DRC7: variants seen among roughly 807,000 people sequenced by gnomAD.
DRC7 encodes dynein regulatory complex subunit 7.
Under a neutral mutation model 104.4 loss-of-function variants are expected in DRC7, and 80 were observed. That is an observed-to-expected ratio of 0.77 (90% CI 0.64 to 0.92). The LOEUF (loss-of-function observed/expected upper bound fraction) is 0.92, where lower values mean the gene tolerates loss of function less well. Among genes scored for constraint, DRC7 ranks in the 40% least tolerant of loss-of-function variants. DRC7 has a pLI of 0.00. For synonymous variants in DRC7, 405 were observed against 447.3 expected (o/e 0.91, Z 1.19); for missense variants, 1,034 against 1,141.1 (o/e 0.91, Z 1.35).
At position 57,698,964 on chromosome 16, in the gene DRC7, C is replaced by T. The variant is rs1478759572; in HGVS notation, c.318C>T (p.Ser106=). 6.2e-7 allele frequency: 1 copy of T among 1,614,230 alleles called. No individual in the cohort carries two copies. Among genetic ancestry groups the T allele is most frequent in the Non-Finnish European group, 8.5e-7 (1 of 1,180,042 alleles). Residue 106 remains serine, a synonymous_variant, in exon 4 of 19, where the codon AGC becomes AGT. Coordinates refer to ENST00000360716, the MANE Select transcript of DRC7 (RefSeq NM_001289162.2). ...QVADNFSRQY[S]HLCPDRVPLF... is the part of the protein sequence containing the mutation. ...CAGACAACTTCTCCCGCCAGTACAG[C>T]CATCTGTGCCCGGACCGCGTGCCCC...
At chr16:57,708,925 T>G (rs897993347) in intron 8 of DRC7, among the ~76,000 whole-genome samples, 1 of 152,012 alleles carries the variant, frequency 6.6e-6, no homozygotes, top group African/African-American at 2.4e-5. Context: ...AGTCAGGAAT[T>G]CAAGACCAGC....
At chr16:57,697,415 A>T (rs1397664631) in intron 2 of DRC7, among the ~76,000 whole-genome samples, 5 of 151,706 alleles carry the variant, frequency 3.3e-5, no homozygotes, top group Admixed American at 2.0e-4. Flanking sequence ...ACCAAAAAAA[A>T]AAAATAGCCA....
chr16:57,703,511 C>T (rs558942178), intron 6 of DRC7, among the ~76,000 whole-genome samples: 21 of 152,226 alleles, frequency 1.4e-4, no homozygotes, highest in African/African-American at 5.1e-4. Flanking sequence ...CACTGTGTAC[C>T]TGGGTTATAC....
At chr16:57,697,202 C>T (rs1412581380) in intron 2 of DRC7, among the ~76,000 whole-genome samples, 5 of 152,038 alleles carry the variant, frequency 3.3e-5, no homozygotes, top group Middle Eastern at 3.2e-3. Context: ...CATGAGCCAC[C>T]GCACCCAGCC....
chr16:57,699,734 G>A (rs1473294531), intron 4 of DRC7, among the ~76,000 whole-genome samples: 2 of 152,066 alleles, frequency 1.3e-5, no homozygotes, highest in African/African-American at 4.8e-5. Flanking sequence ...GGAACCCCAG[G>A]AAACAGACCT....
rs747789249 is a variant in DRC7 at position 57,726,871 on chromosome 16, T to C, written c.2014T>C (p.Tyr672His). The C allele has an allele frequency of 3.1e-6, 5 of 1,613,000 alleles. No individual in the cohort carries two copies. In the Admixed American group the frequency reaches 6.7e-5, roughly 22 times the overall value. ...GCACACCAAGAAGCTGCTCTACCAGTACGAGGCCATGATGCACCTGAAGAG... is the reference window on the plus strand; with the variant it reads ...GCACACCAAGAAGCTGCTCTACCAGCACGAGGCCATGATGCACCTGAAGAG... ...MEHTKKLLYQ[Y>H]EAMMHLKREE... is the part of the protein sequence containing the mutation. The change falls in exon 15 of 19, where the codon TAC becomes CAC. Residue 672 changes from tyrosine (Y) to histidine (H), a missense_variant. Coordinates refer to ENST00000360716, the MANE Select transcript of DRC7 (RefSeq NM_001289162.2).
Position 57,726,058 on chromosome 16 carries a change from G to A in DRC7, c.1759-10G>A. 1 of 1,610,732 alleles carries A rather than the reference G, an allele frequency of 6.2e-7. No individual in the cohort carries two copies. Among genetic ancestry groups the A allele is most frequent in the Non-Finnish European group, 8.5e-7 (1 of 1,178,442 alleles). On this transcript the variant is annotated splice_polypyrimidine_tract_variant and intron_variant, in intron 13 of 18. Transcript: ENST00000360716. ...CCTTTGCTCATCCTTTGCATGTTCTGGCCTCCCAGAAAATCACAGAGCGGT... is the reference window on the plus strand; with the variant it reads ...CCTTTGCTCATCCTTTGCATGTTCTAGCCTCCCAGAAAATCACAGAGCGGT...
intron 6 of DRC7, 24 bp downstream of exon 6, chr16:57,702,154 G>T (rs760954470): frequency 1.2e-6 from 2 of 1,611,092 alleles, no homozygotes; most frequent in Admixed American, 3.3e-5. Context: ...TGAGCTGCCC[G>T]GGTTTCCCAA....
intron 8 of DRC7, among the ~76,000 whole-genome samples, chr16:57,711,847 C>T (rs2048794088): frequency 6.6e-6 from 1 of 152,132 alleles, no homozygotes. Context: ...TGCACCAAGT[C>T]GGTTCCTGGG....
intron 8 of DRC7, among the ~76,000 whole-genome samples, chr16:57,710,780 T>C (rs1334366393): frequency 2.0e-5 from 3 of 152,244 alleles, no homozygotes; most frequent in African/African-American, 7.2e-5. Flanking sequence ...ATCTACATGG[T>C]AAGTTACTTG....
chr16:57,729,742 G>A (rs1185420379), intron 17 of DRC7, among the ~76,000 whole-genome samples: 1 of 112,572 alleles, frequency 8.9e-6, no homozygotes, highest in Non-Finnish European at 1.8e-5. Context: ...GGGTGGATGA[G>A]TGAGTGAGCA....
At chr16:57,724,089 C>A (rs1196801509) in intron 12 of DRC7, among the ~76,000 whole-genome samples, 1 of 152,012 alleles carries the variant, frequency 6.6e-6, no homozygotes, top group African/African-American at 2.4e-5. Context: ...TTGGGTGGAT[C>A]ACCTGAGGTC....
chr16:57,712,163 T>C (rs1426207113), intron 8 of DRC7, among the ~76,000 whole-genome samples: 1 of 152,222 alleles, frequency 6.6e-6, no homozygotes, highest in African/African-American at 2.4e-5. Context: ...CAAGGACAGC[T>C]TGGAGGTTAG....
intron 5 of DRC7, 37 bp from the exon 6 acceptor site, chr16:57,701,898 CG>C: frequency 1.3e-6 from 2 of 1,580,748 alleles, no homozygotes; most frequent in Admixed American, 3.4e-5. Context: ...GCTGGGGCAG[CG>C]GGGCCCCAGC....
chr16:57,722,292 G>A (rs1165365952), intron 10 of DRC7, among the ~76,000 whole-genome samples: 1 of 152,218 alleles, frequency 6.6e-6, no homozygotes, highest in Non-Finnish European at 1.5e-5. Context: ...CTGGGGCTAG[G>A]GCCTGGGGAT....
chr16:57,702,072 A>T lies in DRC7; in HGVS notation c.641A>T (p.Asp214Val). The T allele has an allele frequency of 6.2e-7, 1 of 1,614,128 alleles. No homozygotes were observed. The highest frequency in any genetic ancestry group is 8.5e-7 in the Non-Finnish European group (1 of 1,180,018). ...AYCVNGYGSLDLCHMDLTREV... is the reference protein window; with the variant it reads ...AYCVNGYGSLVLCHMDLTREV... ...TGCGTCAACGGCTACGGCTCGCTGGACCTGTGCCACATGGACCTGACGCGG... is the reference window on the plus strand; with the variant it reads ...TGCGTCAACGGCTACGGCTCGCTGGTCCTGTGCCACATGGACCTGACGCGG... Residue 214 changes from aspartate (D) to valine (V), a missense_variant, in exon 6 of 19, where the codon GAC (aspartate) becomes GTC (valine). By Grantham distance (152) the Asp-to-Val change is radical. Coordinates refer to ENST00000360716, the MANE Select transcript of DRC7 (RefSeq NM_001289162.2).
chr16:57,711,665 G>T (rs1160862907), intron 8 of DRC7, among the ~76,000 whole-genome samples: 1 of 152,254 alleles, frequency 6.6e-6, no homozygotes, highest in Non-Finnish European at 1.5e-5. Context: ...TTCACGCAGA[G>T]CAGGCTGTGT....
intron 8 of DRC7, among the ~76,000 whole-genome samples, chr16:57,709,631 GT>G (rs2048772118): frequency 1.3e-5 from 2 of 151,746 alleles, no homozygotes; most frequent in South Asian, 4.2e-4. Context: ...GACTGATTGT[GT>G]TCCCCCCTTT....
chr16:57,725,862 C>A (rs1465785933), intron 13 of DRC7: 3 of 585,072 alleles, frequency 5.1e-6, no homozygotes. Context: ...GAGGAGGGGC[C>A]CAGCACCATA....
Sources: allele counts gnomAD v4.1 joint callset (sites outside exome capture counted in the v4.1 genomes callset), GRCh38; gene constraint gnomAD v4.1.1; transcripts MANE v1.5; gene names NCBI Gene and HGNC (gene_info 2026-07-23, HGNC 2026-07-21).